Variants in SCML2 observed in about 807,000 individuals in gnomAD.
The protein encoded by SCML2 is sex comb on midleg-like protein 2.
Under a neutral mutation model 48.4 loss-of-function variants are expected in SCML2, and 6 were observed. The ratio of observed to expected loss-of-function variants is 0.12; its 90% confidence interval spans 0.07 to 0.24. The LOEUF is 0.24. Among genes scored for constraint, SCML2 ranks in the 10% least tolerant of loss-of-function variants. The probability of loss-of-function intolerance (pLI) is 1.00; values close to 1 mark genes in which losing one functional copy is unlikely to be tolerated. For synonymous variants in SCML2, 181 were observed against 189.5 expected (o/e 0.95, Z 0.37); for missense variants, 377 against 528.2 (o/e 0.71, Z 2.81).
chrX:18,246,832 C>T lies in SCML2; in HGVS notation c.1571-4G>A. 3 of 1,188,895 alleles carry T rather than the reference C, an allele frequency of 2.5e-6. No individual in the cohort carries two copies. The highest frequency in any genetic ancestry group is 3.5e-5 in the African/African-American group (2 of 56,935). On this transcript the variant is annotated splice_polypyrimidine_tract_variant and splice_region_variant and intron_variant, in intron 12 of 14. Coordinates refer to ENST00000251900, the MANE Select transcript of SCML2 (RefSeq NM_006089.3). Reference sequence around the variant, plus strand: ...CCCCCAGCAAACAATGGTTCTCCTACAGGGAAAAAGACAAAGGAGGCTATC... The same window carrying T: ...CCCCCAGCAAACAATGGTTCTCCTATAGGGAAAAAGACAAAGGAGGCTATC...
intron 7 of SCML2, among the ~76,000 whole-genome samples, chrX:18,303,992 G>A (rs772594482): frequency 7.1e-5 from 8 of 111,914 alleles, no homozygotes; most frequent in African/African-American, 1.9e-4. Flanking sequence ...ACTTAGTAGC[G>A]TTAGTTTTTT....
intron 13 of SCML2, 82 bp from the exon 14 acceptor site, chrX:18,242,672 G>A (rs1427002620): frequency 1.6e-5 from 16 of 1,006,821 alleles, no homozygotes; most frequent in Non-Finnish European, 2.1e-5. Flanking sequence ...GGGAATAATG[G>A]TCTCATTCCT....
At chrX:18,315,787 G>A (rs996303030) in intron 6 of SCML2, among the ~76,000 whole-genome samples, 1 of 111,479 alleles carries the variant, frequency 9.0e-6, no homozygotes, top group African/African-American at 3.3e-5. Flanking sequence ...TCCTTGTTTT[G>A]CCTTTAAAAG....
intron 11 of SCML2, among the ~76,000 whole-genome samples, chrX:18,256,534 C>T (rs1021150746): frequency 1.3e-4 from 15 of 111,604 alleles, no homozygotes; most frequent in African/African-American, 4.6e-4. Context: ...AGGCTCAACA[C>T]GCTTTGCTAA....
At chrX:18,299,055 A>C (rs1266371466) in intron 7 of SCML2, among the ~76,000 whole-genome samples, 1 of 111,659 alleles carries the variant, frequency 9.0e-6, no homozygotes. Context: ...GTGGGACTAC[A>C]TAAAACTAAA....
At chrX:18,276,145 A>G (rs1337130695) in intron 7 of SCML2, among the ~76,000 whole-genome samples, 3 of 110,964 alleles carry the variant, frequency 2.7e-5, no homozygotes, top group Non-Finnish European at 5.7e-5. Flanking sequence ...AAACACAAAA[A>G]TCCGCCAGGC....
At position 18,242,560 on chromosome X, in the gene SCML2, C is replaced by G. The variant is rs768888311; in HGVS notation, c.1853G>C (p.Ser618Thr). 1 of 1,208,610 alleles carries G rather than the reference C, an allele frequency of 8.3e-7. No homozygotes were observed. Among genetic ancestry groups the G allele is most frequent in the Non-Finnish European group, 1.1e-6 (1 of 894,510 alleles). Residue 618 changes from serine (S) to threonine (T), a missense_variant, in exon 14 of 15, where the codon AGT becomes ACT. Physicochemically the swap from Ser to Thr is moderately conservative, Grantham distance 58 (BLOSUM62 1). Coordinates refer to ENST00000251900, the MANE Select transcript of SCML2 (RefSeq NM_006089.3). ...APSYIAVPDP[S>T]VLKQGFSKDP... ...CTTAGAGAAGCCTTGTTTCAGGACA[C>G]TGGGATCAGGTACAGCTATATAACT...
chrX:18,290,277 G>GT (rs1815060769), intron 7 of SCML2, among the ~76,000 whole-genome samples: 1 of 111,867 alleles, frequency 8.9e-6, no homozygotes, highest in Non-Finnish European at 1.9e-5. Flanking sequence ...AAACGGGAAG[G>GT]TTTTATCAAA....
intron 7 of SCML2, among the ~76,000 whole-genome samples, chrX:18,277,019 AAAAC>A (rs751906511): frequency 1.3e-4 from 15 of 111,442 alleles, no homozygotes; most frequent in East Asian, 2.8e-4. Context: ...AAAAAAACCA[AAAAC>A]AAACAAAAAA....
intron 13 of SCML2, among the ~76,000 whole-genome samples, chrX:18,245,235 T>C (rs192294518): frequency 9.5e-4 from 107 of 112,212 alleles, no homozygotes; most frequent in African/African-American, 3.3e-3. Flanking sequence ...GCAATGTTAT[T>C]ACTATTAGTC....
chrX:18,303,247 C>T (rs1287969947), intron 7 of SCML2, among the ~76,000 whole-genome samples: 1 of 111,724 alleles, frequency 9.0e-6, no homozygotes, highest in East Asian at 2.8e-4. Flanking sequence ...CCATACCATA[C>T]TGCTAGGAGT....
At chrX:18,272,513 C>A (rs1322289488) in intron 7 of SCML2, among the ~76,000 whole-genome samples, 1 of 112,294 alleles carries the variant, frequency 8.9e-6, no homozygotes, top group African/African-American at 3.2e-5. Context: ...GGCTCTGTTA[C>A]CAATTGCTCT....
intron 1 of SCML2, 139 bp from the exon 2 acceptor site, chrX:18,334,234 T>C (rs111392337): frequency 6.2e-5 from 25 of 404,725 alleles, no homozygotes; most frequent in African/African-American, 3.6e-4. Context: ...CCTAGTTGCC[T>C]GGGAATGGAG....
chrX:18,353,274 GAATT>G (rs776508592), intron 1 of SCML2, among the ~76,000 whole-genome samples: 1 of 111,970 alleles, frequency 8.9e-6, no homozygotes, highest in Non-Finnish European at 1.9e-5. Flanking sequence ...TTATTGAAAA[GAATT>G]AAATATGCGT....
rs1401741904 is a variant in SCML2, at chrX:18,240,565, T to C, written c.*686A>G. The C allele has an allele frequency of 1.8e-5, 2 of 112,330 alleles. No homozygotes were observed. Among genetic ancestry groups the C allele is most frequent in the African/African-American group, 6.5e-5 (2 of 30,963 alleles). The allele number at this position is 112,330 out of a possible 1,213,427, so 9.3% of individuals were successfully genotyped here. A position where few individuals can be genotyped will look rare whatever the true frequency, so the allele number is the denominator to read the frequency against. Reference sequence around the variant, plus strand: ...TCTCCTGCATAAAATGACAATTCTATCCTATAATTTAAAAAATTTATCAAA... The same window carrying C: ...TCTCCTGCATAAAATGACAATTCTACCCTATAATTTAAAAAATTTATCAAA... On this transcript the variant is annotated 3_prime_UTR_variant, in exon 15 of 15. Transcript: ENST00000251900.
chrX:18,246,486 C>T, intron 13 of SCML2, 91 bp downstream of exon 13: 1 of 1,029,852 alleles, frequency 9.7e-7, no homozygotes, highest in Non-Finnish European at 1.3e-6. Context: ...TTAGCACTTT[C>T]TCCAATGTGA....
At chrX:18,247,374 A>C (rs1276383358) in intron 12 of SCML2, among the ~76,000 whole-genome samples, 1 of 111,380 alleles carries the variant, frequency 9.0e-6, no homozygotes, top group Non-Finnish European at 1.9e-5. Context: ...TAAACACCTC[A>C]CTGAAGCATT....
intron 3 of SCML2, among the ~76,000 whole-genome samples, chrX:18,326,070 T>C (rs910529051): frequency 2.7e-5 from 3 of 112,238 alleles, no homozygotes; most frequent in African/African-American, 9.7e-5. Flanking sequence ...ATGACCACCA[T>C]GGTTGACTGT....
intron 6 of SCML2, among the ~76,000 whole-genome samples, chrX:18,311,937 C>T (rs1273036634): frequency 1.8e-5 from 2 of 111,251 alleles, no homozygotes; most frequent in African/African-American, 6.5e-5. Flanking sequence ...ATTACAGGTG[C>T]GCAACCACAA....
Sources: allele counts gnomAD v4.1 joint callset (sites outside exome capture counted in the v4.1 genomes callset), GRCh38; gene constraint gnomAD v4.1.1; transcripts MANE v1.5; gene names NCBI Gene and HGNC (gene_info 2026-07-23, HGNC 2026-07-21).